SPECC1: variants seen among roughly 807,000 people sequenced by gnomAD.
SPECC1 encodes the protein cytospin-B.
Under a neutral mutation model 104.1 loss-of-function variants are expected in SPECC1, and 62 were observed. The ratio of observed to expected loss-of-function variants is 0.60; its 90% CI spans 0.49 to 0.74. SPECC1 has a LOEUF of 0.74. Among genes scored for constraint, SPECC1 ranks in the 30% least tolerant of loss-of-function variants. The probability of loss-of-function intolerance (pLI) is 0.00; values close to 1 mark genes in which losing one functional copy is unlikely to be tolerated. For missense variants in SPECC1, 1,306 were observed against 1,310.5 expected, an observed-to-expected ratio of 1.00 and a Z score of 0.05; for synonymous variants, 513 against 501.6, an observed-to-expected ratio of 1.02 and a Z score of -0.30.
In SPECC1 at chr17:20,156,209, T is replaced by C. The variant is rs769539232; in HGVS notation, c.283+45647T>C. 124 of 1,431,816 alleles carry C rather than the reference T, an allele frequency of 8.7e-5. 1 individual carries two copies. The Middle Eastern group carries it at 1.1e-3, about 13-fold the overall frequency. The allele number at this position is 1,431,816 out of a possible 1,614,324, so 88.7% of individuals were successfully genotyped here. On this transcript the variant is annotated intron_variant, in intron 3 of 14. Transcript: ENST00000395527. The stretch of plus-strand genomic sequence containing the variant: ...GAGTCGGCCAAGCATGGGCAACCAC[T>C]CAGGACGGCCCGAGGATCCGGAACC...
intron 12 of SPECC1, among the ~76,000 whole-genome samples, chr17:20,261,711 T>C (rs998609835): frequency 6.6e-6 from 1 of 152,220 alleles, no homozygotes; most frequent in African/African-American, 2.4e-5. Flanking sequence ...AGAGTTTTTG[T>C]TTTCTAGGAC....
Position 20,152,679 on chromosome 17 carries a change from G to A in SPECC1, c.283+42117G>A, listed in dbSNP as rs150343056. On this transcript the variant is annotated intron_variant, in intron 3 of 14. Transcript: ENST00000395527. Reference sequence around the variant, plus strand: ...TTTTTATTTTTATTTGTTTTATTTTGTTTTGTTTTTTGAGATGGAGTCTTG... The same window carrying A: ...TTTTTATTTTTATTTGTTTTATTTTATTTTGTTTTTTGAGATGGAGTCTTG... 3.9e-5 allele frequency among the ~76,000 whole-genome samples: 6 copies of A among 152,150 alleles called. No homozygotes were observed. In the East Asian group the frequency reaches 9.7e-4, roughly 24 times the overall value.
chr17:20,067,722 T>C (rs746863443), intron 1 of SPECC1, among the ~76,000 whole-genome samples: 1 of 152,132 alleles, frequency 6.6e-6, no homozygotes, highest in Non-Finnish European at 1.5e-5. Context: ...TCACTTATAT[T>C]CACTGCCATA....
chr17:20,133,315 G>C (rs1368255564), intron 3 of SPECC1, among the ~76,000 whole-genome samples: 1 of 151,756 alleles, frequency 6.6e-6, no homozygotes, highest in Non-Finnish European at 1.5e-5. Flanking sequence ...TACAGTGTGA[G>C]AATTAAGTGA....
chr17:20,218,564 T>G lies in SPECC1; in HGVS notation c.1864-8849T>G, dbSNP rs545840480. Among the ~76,000 whole-genome samples, 12 of 152,270 alleles carry G rather than the reference T, an allele frequency of 7.9e-5. No individual in the cohort carries two copies. The South Asian group carries it at 2.5e-3, about 32-fold the overall frequency. On this transcript the variant is annotated intron_variant, in intron 4 of 14. Transcript: ENST00000395527. ...GCACAGGCAGGGCTCTCTGGCTGTT[T>G]CCCAGGCTGTTTCTCTCTCTCTTCT...
intron 3 of SPECC1, among the ~76,000 whole-genome samples, chr17:20,143,819 G>A (rs528408768): frequency 1.3e-5 from 2 of 152,336 alleles, no homozygotes; most frequent in South Asian, 4.1e-4. Flanking sequence ...CAGCAGGGAT[G>A]GGGGGCTGAT....
intron 3 of SPECC1, among the ~76,000 whole-genome samples, chr17:20,141,021 C>T (rs561006488): frequency 5.3e-5 from 8 of 152,280 alleles, no homozygotes; most frequent in African/African-American, 1.9e-4. Flanking sequence ...CGGGGCCTTG[C>T]TTGTCTAGGC....
At chr17:20,280,311 G>A (rs2040722785) in intron 12 of SPECC1, among the ~76,000 whole-genome samples, 1 of 152,174 alleles carries the variant, frequency 6.6e-6, no homozygotes, top group African/African-American at 2.4e-5. Context: ...CATGAGTTAG[G>A]CATTTTGTAT....
At chr17:20,098,284 C>T (rs1223178735) in intron 2 of SPECC1, among the ~76,000 whole-genome samples, 1 of 152,154 alleles carries the variant, frequency 6.6e-6, no homozygotes, top group Non-Finnish European at 1.5e-5. Context: ...CACCCTTAAA[C>T]CCTCCTTTTC....
At position 20,190,526 on chromosome 17, in the gene SPECC1, T is replaced by C. The variant is rs942007604; in HGVS notation, c.284-13807T>C. 2.6e-5 allele frequency among the ~76,000 whole-genome samples: 4 copies of C among 152,128 alleles called. No individual in the cohort carries two copies. The East Asian group carries it at 5.8e-4, about 22-fold the overall frequency. Reference sequence around the variant, plus strand: ...AAGAGCAGTTTTAGGCACAGCAAAATTGAGTGAAAAGTACAAGTTTTCCTA... The same window carrying C: ...AAGAGCAGTTTTAGGCACAGCAAAACTGAGTGAAAAGTACAAGTTTTCCTA... On this transcript the variant is annotated intron_variant, in intron 3 of 14. Coordinates refer to ENST00000395527, the MANE Select transcript of SPECC1 (RefSeq NM_001243439.2).
intron 1 of SPECC1, among the ~76,000 whole-genome samples, chr17:20,012,307 T>A (rs967150541): frequency 6.6e-6 from 1 of 151,936 alleles, no homozygotes; most frequent in South Asian, 2.1e-4. Flanking sequence ...CCTTAACTTA[T>A]TTTTTTTCTC....
At chr17:20,051,145 TTTCC>T (rs1479924731) in intron 1 of SPECC1, among the ~76,000 whole-genome samples, 26 of 143,696 alleles carry the variant, frequency 1.8e-4, no homozygotes, top group African/African-American at 6.8e-4. Context: ...TCTTTCCTTC[TTTCC>T]TTCTTTCCTT....
At chr17:20,277,406 A>C (rs772023883) in intron 12 of SPECC1, among the ~76,000 whole-genome samples, 2 of 152,158 alleles carry the variant, frequency 1.3e-5, no homozygotes, top group Non-Finnish European at 2.9e-5. Flanking sequence ...TTTTAAAATG[A>C]TGCTGCTAAA....
chr17:20,236,977 T>A, intron 7 of SPECC1: 1 of 1,590,726 alleles, frequency 6.3e-7, no homozygotes, highest in South Asian at 1.1e-5. Context: ...GAGGAGAAAT[T>A]GCCTCTTTAT....
Position 20,314,056 on chromosome 17 carries a change from T to G in SPECC1, c.3198T>G (p.Phe1066Leu), listed in dbSNP as rs759614162. The change falls in exon 15 of 15, where the codon TTT becomes TTG. Residue 1066 changes from phenylalanine to leucine, a missense_variant. Phe to Leu is a conservative substitution (Grantham distance 22, BLOSUM62 0). Around this residue, in one of 2 missense-constraint regions of SPECC1, gnomAD observed 129 missense variants for 170.6 expected, o/e 0.76. Transcript: ENST00000395527. ...ACGTGGCCCAAATCTACAAGTACTTTGAGACGTAACCCTGGAGGGCCTGGG... is the reference window on the plus strand; with the variant it reads ...ACGTGGCCCAAATCTACAAGTACTTGGAGACGTAACCCTGGAGGGCCTGGG... ...MQYVAQIYKY[F>L]ET The G allele has an allele frequency of 8.1e-6, 13 of 1,613,950 alleles. No homozygotes were observed. The highest frequency in any genetic ancestry group is 1.1e-5 in the Non-Finnish European group (13 of 1,179,982).
intron 12 of SPECC1, among the ~76,000 whole-genome samples, chr17:20,276,943 A>G (rs1294836363): frequency 6.6e-6 from 1 of 152,232 alleles, no homozygotes; most frequent in African/African-American, 2.4e-5. Flanking sequence ...GCAAGGGCCA[A>G]GTCCACTGGC....
At chr17:20,305,592 G>A (rs1408644150) in intron 13 of SPECC1, 1 of 155,810 alleles carries the variant, frequency 6.4e-6, no homozygotes, top group Non-Finnish European at 1.4e-5. Context: ...TTGAAAGGTA[G>A]TTCTCTGAAG....
intron 1 of SPECC1, among the ~76,000 whole-genome samples, chr17:20,068,157 G>A (rs1014862591): frequency 2.0e-5 from 3 of 152,188 alleles, no homozygotes; most frequent in African/African-American, 7.2e-5. Flanking sequence ...ACAGGATTTC[G>A]CCATGTTGGC....
chr17:20,019,657 G>A (rs1204045004), intron 1 of SPECC1, among the ~76,000 whole-genome samples: 1 of 152,178 alleles, frequency 6.6e-6, no homozygotes, highest in Non-Finnish European at 1.5e-5. Flanking sequence ...GCTGATAGCA[G>A]GAATGACACG....
Sources: allele counts gnomAD v4.1 joint callset (sites outside exome capture counted in the v4.1 genomes callset), GRCh38; gene constraint gnomAD v4.1.1; regional missense constraint gnomAD v4.1.1; transcripts MANE v1.5; gene names NCBI Gene and HGNC (gene_info 2026-07-23, HGNC 2026-07-21).